Variants in SIRT4 observed in about 807,000 individuals in gnomAD.
SIRT4 encodes the protein NAD-dependent protein lipoamidase sirtuin-4, mitochondrial.
SIRT4 carries 23 observed loss-of-function variants against 26.1 expected under a neutral mutation model. The ratio of observed to expected loss-of-function variants is 0.88; its 90% CI spans 0.63 to 1.25. The LOEUF (loss-of-function observed/expected upper bound fraction) is 1.25. SIRT4 is among the 50% of genes most tolerant of loss of function. SIRT4 has a pLI of 0.00. For missense variants in SIRT4, 361 were observed against 405.4 expected (o/e 0.89, Z 0.94); for synonymous variants, 155 against 158.4 (o/e 0.98, Z 0.16).
the SIRT4 span, chr12:120,293,100 C>G: frequency 1.1e-4 from 17 of 152,112 alleles, no homozygotes; most frequent in African/African-American, 4.1e-4. Flanking sequence ...AATTCAGTCT[C>G]CGTAGAGACT....
Position 120,304,003 on chromosome 12 carries a change from T to C in SIRT4, c.442T>C (p.Leu148=). The change falls in exon 2 of 4, where the codon TTG becomes CTG. Residue 148 remains leucine (L), a synonymous_variant. Transcript: ENST00000202967. Reference sequence around the variant, plus strand: ...GTTGGTGACCCAAAATGTGGATGCTTTGCACACCAAGGCGGGGAGTCGGCG... The same window carrying C: ...GTTGGTGACCCAAAATGTGGATGCTCTGCACACCAAGGCGGGGAGTCGGCG... ...YWLVTQNVDA[L]HTKAGSRRLT... 1.2e-6 allele frequency: 2 copies of C among 1,613,746 alleles called. No individual in the cohort carries two copies. The highest frequency in any genetic ancestry group is 8.5e-7 in the Non-Finnish European group (1 of 1,180,008).
At chr12:120,304,971 T>G (rs1872698076) in intron 2 of SIRT4, among the ~76,000 whole-genome samples, 2 of 151,150 alleles carry the variant, frequency 1.3e-5, no homozygotes, top group South Asian at 4.2e-4. Context: ...CTGGTCAACA[T>G]GGTGAAACCC....
intron 2 of SIRT4, among the ~76,000 whole-genome samples, chr12:120,307,759 G>C (rs1158955034): frequency 6.6e-6 from 1 of 151,960 alleles, no homozygotes; most frequent in East Asian, 1.9e-4. Context: ...TCAGGAGGCT[G>C]AGACAGGAGA....
chr12:120,311,441 G>A (rs1047293169), intron 2 of SIRT4, among the ~76,000 whole-genome samples: 1 of 150,818 alleles, frequency 6.6e-6, no homozygotes, highest in Non-Finnish European at 1.5e-5. Flanking sequence ...TTGGAGAGGT[G>A]AGAAGGGGGG....
chr12:120,308,687 G>C (rs527458703), intron 2 of SIRT4, among the ~76,000 whole-genome samples: 5 of 152,310 alleles, frequency 3.3e-5, no homozygotes, highest in Non-Finnish European at 7.4e-5. Flanking sequence ...AGGCAGTGCA[G>C]TTGGGTCTGC....
chr12:120,306,581 C>T (rs1207154315), intron 2 of SIRT4, among the ~76,000 whole-genome samples: 8 of 152,014 alleles, frequency 5.3e-5, no homozygotes, highest in Non-Finnish European at 1.0e-4. Context: ...GCAGGCAGAT[C>T]ACTTGAGGTC....
chr12:120,297,575 A>G (rs1872378390), upstream of SIRT4, among the ~76,000 whole-genome samples: 1 of 152,070 alleles, frequency 6.6e-6, no homozygotes, highest in South Asian at 2.1e-4. Context: ...AACAAAACAA[A>G]AAAGACTTGG....
At position 120,313,102 on chromosome 12, in the gene SIRT4, T is replaced by C. The variant is rs1225500067; in HGVS notation, c.*66T>C. The stretch of plus-strand genomic sequence containing the variant: ...CTTGAATCTTGCTGCTAAATGTAAA[T>C]GCCTTCTCAAATGACAGATTCCAGT... On this transcript the variant is annotated 3_prime_UTR_variant, in exon 4 of 4. Coordinates refer to ENST00000202967, the MANE Select transcript of SIRT4 (RefSeq NM_012240.3). The C allele has an allele frequency of 1.9e-6, 3 of 1,582,756 alleles. No individual in the cohort carries two copies. The highest frequency in any genetic ancestry group is 1.3e-5 in the African/African-American group (1 of 74,280).
chr12:120,303,627 G>A lies in SIRT4; in HGVS notation c.66G>A (p.Gln22=). The change falls in exon 2 of 4, where the codon CAG becomes CAA. Residue 22 remains glutamine, a synonymous_variant. Transcript: ENST00000202967. ...AKGRWIANPS[Q]PCSKASIGLF... ...GCCGTTGGATCGCAAACCCCAGCCA[G>A]CCGTGCTCGAAAGCCTCCATTGGGT... 1 of 1,614,112 alleles carries A rather than the reference G, an allele frequency of 6.2e-7. No homozygotes were observed.
At chr12:120,302,550 GTGTT>G (rs1185274857) in intron 1 of SIRT4, among the ~76,000 whole-genome samples, 172 bp downstream of exon 1, 2 of 152,094 alleles carry the variant, frequency 1.3e-5, no homozygotes, top group African/African-American at 4.8e-5. Flanking sequence ...ACCGGACTGT[GTGTT>G]TGTTCAGCTG....
At chr12:120,303,410 G>A (rs967233610) in intron 1 of SIRT4, 151 bp from the exon 2 acceptor site, 37 of 825,542 alleles carry the variant, frequency 4.5e-5, no homozygotes, top group Non-Finnish European at 5.8e-5. Flanking sequence ...GGGAGGCGGC[G>A]GTTACAGTGA....
the SIRT4 span, chr12:120,293,154 G>C: frequency 6.6e-6 from 1 of 152,126 alleles, no homozygotes; most frequent in Non-Finnish European, 1.5e-5. Context: ...TCGTCACGGC[G>C]GGGTATTGGG....
intron 1 of SIRT4, among the ~76,000 whole-genome samples, chr12:120,303,296 A>G (rs1381877715): frequency 1.3e-5 from 2 of 151,672 alleles, no homozygotes; most frequent in African/African-American, 4.8e-5. Context: ...CCTGGCCAAC[A>G]TGGTGAAACC....
chr12:120,307,867 A>G lies in SIRT4; in HGVS notation c.497+3809A>G, dbSNP rs147039262. Among the ~76,000 whole-genome samples the G allele has an allele frequency of 7.9e-3, 1,209 of 152,306 alleles. 17 individuals are homozygous for G. The highest frequency in any genetic ancestry group is 0.028 in the African/African-American group (1,150 of 41,560). ...GAACGAAACTCCTTCTCAAAAAACA[A>G]CCAAGCAAACAAACAAAGAAAAGCA... On this transcript the variant is annotated intron_variant, in intron 2 of 3. Transcript: ENST00000202967.
upstream of SIRT4, among the ~76,000 whole-genome samples, chr12:120,297,494 C>CAA (rs200686377): frequency 2.6e-4 from 22 of 83,608 alleles, no homozygotes; most frequent in African/African-American, 7.0e-4. Flanking sequence ...ACTTGGATGA[C>CAA]AAAAAAAAAA....
chr12:120,311,048 TAAAAAAAAAAAA>T (rs761606021), intron 2 of SIRT4, among the ~76,000 whole-genome samples: 2 of 69,308 alleles, frequency 2.9e-5, no homozygotes, highest in Non-Finnish European at 5.2e-5. Flanking sequence ...CCCTGTCTCT[TAAAAAAAAAAAA>T]AAAAAAAAAA....
chr12:120,306,951 G>A (rs1176942948), intron 2 of SIRT4, among the ~76,000 whole-genome samples: 2 of 152,146 alleles, frequency 1.3e-5, no homozygotes, highest in African/African-American at 2.4e-5. Context: ...TAACGTAGCC[G>A]GGCAGTAGTC....
At chr12:120,293,070 CT>C in the SIRT4 span, 2 of 110,698 alleles carry the variant, frequency 1.8e-5, no homozygotes, top group African/African-American at 6.3e-5. Flanking sequence ...AAAAAAGCCT[CT>C]GTTGTTCAAC....
chr12:120,307,282 G>C (rs151280780), intron 2 of SIRT4, among the ~76,000 whole-genome samples: 1 of 152,276 alleles, frequency 6.6e-6, no homozygotes, highest in East Asian at 1.9e-4. Flanking sequence ...TTGAGCTCAG[G>C]AGTTTGAGAC....
Sources: gnomAD v4.1 joint callset for allele counts (sites outside exome capture counted in the v4.1 genomes callset) on GRCh38, gnomAD v4.1.1 for gene constraint, MANE v1.5 for transcripts, NCBI Gene and HGNC (gene_info 2026-07-23, HGNC 2026-07-21) for gene names.